The following SLX4IP variants were observed in gnomAD, a reference collection of about 807,000 sequenced individuals.
The protein encoded by SLX4IP is SLX4 interacting protein.
In SLX4IP, 34 loss-of-function variants were observed where a neutral mutation model predicts 32.9. That is an observed-to-expected ratio of 1.03 (90% CI 0.79 to 1.38). The LOEUF (loss-of-function observed/expected upper bound fraction) is 1.38. SLX4IP is among the 40% of genes most tolerant of loss of function. The pLI is 0.00. For synonymous variants in SLX4IP, 172 were observed against 171.7 expected (o/e 1.00, Z -0.01); for missense variants, 444 against 479.0 (o/e 0.93, Z 0.68).
In SLX4IP at chr20:10,518,436, C is replaced by T. The variant is rs1454879965; in HGVS notation, c.28-37795C>T. ...CCTTCCTTCCTTCCCTCCCTCCCTC[C>T]TTCTTCCTTCCTTCCTTCCTTCCTT... On this transcript the variant is annotated intron_variant, in intron 2 of 7. Coordinates refer to ENST00000334534, the MANE Select transcript of SLX4IP (RefSeq NM_001009608.3). Among the ~76,000 whole-genome samples the T allele has an allele frequency of 4.1e-3, 252 of 60,906 alleles. 3 individuals are homozygous for T. The highest frequency in any genetic ancestry group is 6.2e-3 in the Non-Finnish European group (170 of 27,278). 40.0% of individuals were successfully genotyped at this position (60,906 alleles called of 152,430 possible).
chr20:10,490,289 T>G (rs1362388368), intron 2 of SLX4IP, among the ~76,000 whole-genome samples: 1 of 152,138 alleles, frequency 6.6e-6, no homozygotes, highest in Non-Finnish European at 1.5e-5. Flanking sequence ...TAAAATATAA[T>G]AATTAAAATA....
At chr20:10,511,411 G>C (rs1764717578) in intron 2 of SLX4IP, among the ~76,000 whole-genome samples, 1 of 152,200 alleles carries the variant, frequency 6.6e-6, no homozygotes, top group South Asian at 2.1e-4. Flanking sequence ...AACTCCATGA[G>C]ACTGTCTGTT....
intron 1 of SLX4IP, among the ~76,000 whole-genome samples, chr20:10,454,804 A>C (rs1033022439): frequency 6.6e-6 from 1 of 152,136 alleles, no homozygotes; most frequent in Non-Finnish European, 1.5e-5. Flanking sequence ...CAACTCTTTA[A>C]ATTTTGAAAT....
At chr20:10,448,632 T>TA (rs1465472923) in intron 1 of SLX4IP, among the ~76,000 whole-genome samples, 1 of 152,126 alleles carries the variant, frequency 6.6e-6, no homozygotes, top group African/African-American at 2.4e-5. Context: ...AGAATGGAGT[T>TA]AAGAAAGGGA....
intron 2 of SLX4IP, among the ~76,000 whole-genome samples, chr20:10,483,940 A>T (rs557252100): frequency 6.6e-6 from 1 of 152,276 alleles, no homozygotes; most frequent in Admixed American, 6.5e-5. Context: ...GGTCACAGAG[A>T]AAAGTCTGAA....
chr20:10,568,070 A>G (rs956143449), intron 4 of SLX4IP, among the ~76,000 whole-genome samples: 1 of 152,164 alleles, frequency 6.6e-6, no homozygotes, highest in East Asian at 1.9e-4. Context: ...AAAAAACTTG[A>G]CTTTCCTTTT....
intron 2 of SLX4IP, among the ~76,000 whole-genome samples, chr20:10,475,499 A>G (rs1444975756): frequency 2.6e-5 from 4 of 152,140 alleles, no homozygotes; most frequent in Non-Finnish European, 5.9e-5. Flanking sequence ...TGAGCTGGTG[A>G]GGGCCTGGAG....
intron 4 of SLX4IP, among the ~76,000 whole-genome samples, chr20:10,592,463 G>A (rs1450659732): frequency 1.3e-5 from 2 of 151,548 alleles, no homozygotes; most frequent in African/African-American, 4.9e-5. Flanking sequence ...TTTCATGTTT[G>A]AAGTGACAGC....
At chr20:10,479,629 G>A (rs1176890554) in intron 2 of SLX4IP, among the ~76,000 whole-genome samples, 3 of 122 alleles carry the variant, frequency 0.025, no homozygotes, top group African/African-American at 0.079. Flanking sequence ...GATTACAGGC[G>A]TGAGCCACGT....
intron 2 of SLX4IP, among the ~76,000 whole-genome samples, chr20:10,485,652 T>G (rs1325914657): frequency 6.6e-6 from 1 of 151,512 alleles, no homozygotes; most frequent in Non-Finnish European, 1.5e-5. Flanking sequence ...AACTTTTGAC[T>G]CCCCCAAAAC....
intron 2 of SLX4IP, among the ~76,000 whole-genome samples, chr20:10,473,925 C>T (rs147477003): frequency 1.3e-3 from 200 of 152,066 alleles, no homozygotes; most frequent in Middle Eastern, 0.01. Context: ...TGGGTTCAGG[C>T]GATTCTCCTG....
At chr20:10,578,030 A>T (rs1484574721) in intron 4 of SLX4IP, among the ~76,000 whole-genome samples, 2 of 152,248 alleles carry the variant, frequency 1.3e-5, no homozygotes, top group Non-Finnish European at 2.9e-5. Context: ...ACAGTTGTCA[A>T]CAATCCATTT....
At chr20:10,475,674 C>T (rs2065470017) in intron 2 of SLX4IP, among the ~76,000 whole-genome samples, 1 of 152,212 alleles carries the variant, frequency 6.6e-6, no homozygotes, top group Non-Finnish European at 1.5e-5. Context: ...TCCCAAGTGA[C>T]ATATCCTACA....
At chr20:10,605,736 G>C (rs2066898678) in intron 6 of SLX4IP, among the ~76,000 whole-genome samples, 1 of 152,158 alleles carries the variant, frequency 6.6e-6, no homozygotes, top group African/African-American at 2.4e-5. Context: ...AGACTCTGCA[G>C]ACGTAGGCCA....
chr20:10,518,490 TTTCCTTCCTTCC>T (rs201990578), intron 2 of SLX4IP, among the ~76,000 whole-genome samples: 10,858 of 65,578 alleles, frequency 0.17, 866 homozygotes, highest in East Asian at 0.23. Flanking sequence ...TTCCTTTCCT[TTTCCTTCCTTCC>T]TTCCTTCCTT....
chr20:10,440,397 G>A (rs965747286), intron 1 of SLX4IP, among the ~76,000 whole-genome samples: 3 of 152,032 alleles, frequency 2.0e-5, no homozygotes, highest in Non-Finnish European at 4.4e-5. Context: ...AGAGGTTGCA[G>A]TGAGCCAAGA....
chr20:10,529,263 T>C (rs890055426), intron 2 of SLX4IP, among the ~76,000 whole-genome samples: 1 of 152,120 alleles, frequency 6.6e-6, no homozygotes, highest in African/African-American at 2.4e-5. Flanking sequence ...TTGTGGCTAA[T>C]GATAAAACAA....
chr20:10,614,639 G>A (rs1000839478), intron 6 of SLX4IP, among the ~76,000 whole-genome samples: 7 of 152,168 alleles, frequency 4.6e-5, no homozygotes, highest in South Asian at 2.1e-4. Flanking sequence ...AACATAGGCC[G>A]TGTTTGTCAG....
intron 2 of SLX4IP, among the ~76,000 whole-genome samples, chr20:10,504,303 A>G (rs73076940): frequency 6.6e-6 from 1 of 152,070 alleles, no homozygotes; most frequent in Non-Finnish European, 1.5e-5. Context: ...TGGACAGATT[A>G]ATTGTGAATA....
Sources: allele counts gnomAD v4.1 joint callset (sites outside exome capture counted in the v4.1 genomes callset), GRCh38; gene constraint gnomAD v4.1.1; transcripts MANE v1.5; gene names NCBI Gene and HGNC (gene_info 2026-07-23, HGNC 2026-07-21).